HMGA1: variants seen among roughly 807,000 people sequenced by gnomAD.
The protein encoded by HMGA1 is high mobility group AT-hook 1, also known as high mobility group protein HMG-I/HMG-Y.
HMGA1 carries 1 observed loss-of-function variant against 15.1 expected under a neutral mutation model. That is an observed-to-expected ratio of 0.07 (90% CI 0.02 to 0.31). HMGA1 has a LOEUF of 0.31. HMGA1 is among the 10% of genes least tolerant of loss of function. The probability of loss-of-function intolerance (pLI) is 1.00; values close to 1 mark genes in which losing one functional copy is unlikely to be tolerated. For synonymous variants in HMGA1, 56 were observed against 54.8 expected (o/e 1.02, Z -0.10); for missense variants, 94 against 141.4 (o/e 0.66, Z 1.70).
chr6:34,238,563 G>C (rs763904481), intron 2 of HMGA1, among the ~76,000 whole-genome samples: 1 of 152,192 alleles, frequency 6.6e-6, no homozygotes, highest in South Asian at 2.1e-4. Flanking sequence ...GAGTCCTTAA[G>C]TATTTGAGGA....
At chr6:34,239,081 A>G (rs540961163) in intron 2 of HMGA1, 77 of 152,328 alleles carry the variant, frequency 5.1e-4, no homozygotes, top group African/African-American at 1.7e-3. Flanking sequence ...ACGGAGCAGG[A>G]TAAATCACCA....
intron 3 of HMGA1, among the ~76,000 whole-genome samples, chr6:34,241,679 C>A (rs1762322636): frequency 6.6e-6 from 1 of 152,244 alleles, no homozygotes; most frequent in Non-Finnish European, 1.5e-5. Context: ...TGGCCTCTTA[C>A]AGAGGCAGCT....
rs1268845000 is a variant in HMGA1, at chr6:34,245,476, C to T, written c.*592C>T. On this transcript the variant is annotated 3_prime_UTR_variant, in exon 6 of 6. Transcript: ENST00000311487. Reference sequence around the variant, plus strand: ...GTGGGGCTCACTTTTCATCCTTCCCCAACTTCCCTAGTCCCCGTACTAGGT... The same window carrying T: ...GTGGGGCTCACTTTTCATCCTTCCCTAACTTCCCTAGTCCCCGTACTAGGT... 1.7e-5 allele frequency: 23 copies of T among 1,380,030 alleles called. No individual in the cohort carries two copies. The highest frequency in any genetic ancestry group is 2.1e-5 in the Non-Finnish European group (22 of 1,037,854). The allele number at this position is 1,380,030 out of a possible 1,614,324, so 85.5% of individuals were successfully genotyped here. A position where few individuals can be genotyped will look rare whatever the true frequency, so the allele number is the denominator to read the frequency against.
In HMGA1 at chr6:34,246,055, C is replaced by T. The variant is rs907358404; in HGVS notation, c.*1171C>T. 1 of 256,420 alleles carries T rather than the reference C, an allele frequency of 3.9e-6. No individual in the cohort carries two copies. The highest frequency in any genetic ancestry group is 7.5e-6 in the Non-Finnish European group (1 of 132,484). The allele number at this position is 256,420 out of a possible 1,614,324, so 15.9% of individuals were successfully genotyped here. A position where few individuals can be genotyped will look rare whatever the true frequency, so the allele number is the denominator to read the frequency against. On this transcript the variant is annotated 3_prime_UTR_variant, in exon 6 of 6. Transcript: ENST00000311487. ...AGTCCCAGGGAAGGTGGGGCCCTGC[C>T]CCTAGGATGCTGCAGCAGAGTGAGC...
At chr6:34,240,619 G>T (rs1328747318) in intron 2 of HMGA1, 118 bp from the exon 3 acceptor site, 10 of 814,074 alleles carry the variant, frequency 1.2e-5, no homozygotes, top group Non-Finnish European at 1.8e-5. Context: ...CAGAGTAGGA[G>T]GCCTGGGGGC....
Position 34,240,723 on chromosome 6 carries a change from T to G in HMGA1, c.-44-14T>G. ...AGCGAGATGTTTGTCTAAAAGCACT[T>G]TTCTGTCTCCCAGCATCCCAGCCAT... On this transcript the variant is annotated splice_polypyrimidine_tract_variant and intron_variant, in intron 2 of 5. Coordinates refer to ENST00000311487, the MANE Select transcript of HMGA1 (RefSeq NM_145899.3). 6.2e-7 allele frequency: 1 copy of G among 1,606,016 alleles called. No individual in the cohort carries two copies. Among genetic ancestry groups the G allele is most frequent in the Non-Finnish European group, 8.5e-7 (1 of 1,175,270 alleles).
chr6:34,239,171 C>G (rs747415343), intron 2 of HMGA1, among the ~76,000 whole-genome samples: 1 of 152,162 alleles, frequency 6.6e-6, no homozygotes, highest in Admixed American at 6.5e-5. Context: ...TCTGGAGGGT[C>G]TCTTGATGCT....
chr6:34,240,347 T>A (rs1439664473), intron 2 of HMGA1, among the ~76,000 whole-genome samples: 1 of 152,160 alleles, frequency 6.6e-6, no homozygotes, highest in African/African-American at 2.4e-5. Flanking sequence ...GGGCAGCAGT[T>A]GACTACAGAA....
intron 3 of HMGA1, among the ~76,000 whole-genome samples, 183 bp downstream of exon 3, chr6:34,241,098 A>G (rs957512011): frequency 2.0e-5 from 3 of 152,148 alleles, no homozygotes; most frequent in Non-Finnish European, 2.9e-5. Flanking sequence ...TCAGATCTCT[A>G]TAGAGACCCC....
chr6:34,239,250 G>A lies in HMGA1; in HGVS notation c.-44-1487G>A, dbSNP rs527507743. On this transcript the variant is annotated intron_variant, in intron 2 of 5. Coordinates refer to ENST00000311487, the MANE Select transcript of HMGA1 (RefSeq NM_145899.3). ...AAAATGTTTTTTTCCTCTCATTGGGGTAAAAACTCTTTTTCTTCTTTTTTT... is the reference window on the plus strand; with the variant it reads ...AAAATGTTTTTTTCCTCTCATTGGGATAAAAACTCTTTTTCTTCTTTTTTT... Among the ~76,000 whole-genome samples the A allele has an allele frequency of 8.4e-4, 127 of 151,704 alleles. 1 individual carries two copies. The highest frequency in any genetic ancestry group is 1.4e-3 in the Admixed American group (22 of 15,262).
intron 3 of HMGA1, among the ~76,000 whole-genome samples, chr6:34,241,937 C>G (rs1447773899): frequency 2.0e-5 from 3 of 152,158 alleles, no homozygotes; most frequent in Non-Finnish European, 4.4e-5. Flanking sequence ...CTTAGCCTAG[C>G]TCCCTCAGCC....
rs779828168 is a variant in HMGA1 at position 34,242,698 on chromosome 6, CT to C, written c.136-13del. The C allele has an allele frequency of 4.6e-4, 714 of 1,554,096 alleles. 4 individuals carry two copies. The highest frequency in any genetic ancestry group is 2.4e-4 in the Admixed American group (13 of 53,456). Reference sequence around the variant, plus strand: ...GGTGATGACTGTCCCTGACTACCCCCTCTGTCTTTACAGAAGGAGCCCAGCG... The same window carrying C: ...GGTGATGACTGTCCCTGACTACCCCCCTGTCTTTACAGAAGGAGCCCAGCG... On this transcript the variant is annotated splice_polypyrimidine_tract_variant and intron_variant, in intron 3 of 5. Transcript: ENST00000311487.
In HMGA1 at chr6:34,245,231, T is replaced by G; in HGVS notation, c.*347T>G. 1 of 1,388,190 alleles carries G rather than the reference T, an allele frequency of 7.2e-7. No individual in the cohort carries two copies. The highest frequency in any genetic ancestry group is 3.3e-5 in the East Asian group (1 of 30,072). 86.0% of individuals were successfully genotyped at this position (1,388,190 alleles called of 1,614,324 possible). ...ACTCCCTTGGTGGTGGGGACATTGC[T>G]CTCTGGGCTTTTGGTTTGGGGGCGC... On this transcript the variant is annotated 3_prime_UTR_variant, in exon 6 of 6. Coordinates refer to ENST00000311487, the MANE Select transcript of HMGA1 (RefSeq NM_145899.3).
Position 34,245,623 on chromosome 6 carries a change from G to C in HMGA1, c.*739G>C. The C allele has an allele frequency of 7.3e-7, 1 of 1,379,234 alleles. No homozygotes were observed. The highest frequency in any genetic ancestry group is 9.7e-7 in the Non-Finnish European group (1 of 1,034,540). The allele number at this position is 1,379,234 out of a possible 1,614,324, so 85.4% of individuals were successfully genotyped here. A position where few individuals can be genotyped will look rare whatever the true frequency, so the allele number is the denominator to read the frequency against. On this transcript the variant is annotated 3_prime_UTR_variant, in exon 6 of 6. Transcript: ENST00000311487. ...GAGTACATATTGTGGTGATGGAGAT[G>C]CAGTCACTTATTGTCCAGGTGAGGC...
chr6:34,239,893 T>G (rs531405818), intron 2 of HMGA1, among the ~76,000 whole-genome samples: 1 of 152,068 alleles, frequency 6.6e-6, no homozygotes, highest in African/African-American at 2.4e-5. Context: ...CTAAACCTCA[T>G]CCTAAAGGAT....
chr6:34,244,112 C>T (rs1485226498), intron 5 of HMGA1, among the ~76,000 whole-genome samples: 3 of 151,782 alleles, frequency 2.0e-5, no homozygotes, highest in Non-Finnish European at 1.5e-5. Context: ...CCCTCTCCTA[C>T]CCCCAGCCTG....
intron 3 of HMGA1, 111 bp downstream of exon 3, chr6:34,241,026 G>T (rs550199410): frequency 3.2e-6 from 4 of 1,266,562 alleles, no homozygotes; most frequent in South Asian, 1.3e-5. Context: ...ATGATTCTGC[G>T]CAGTAAGCGT....
In HMGA1 at chr6:34,245,499, G is replaced by C. The variant is rs1762674728; in HGVS notation, c.*615G>C. On this transcript the variant is annotated 3_prime_UTR_variant, in exon 6 of 6. Transcript: ENST00000311487. Reference sequence around the variant, plus strand: ...CCCAACTTCCCTAGTCCCCGTACTAGGTTGGACAGCCCCCTTCGGTTACAG... The same window carrying C: ...CCCAACTTCCCTAGTCCCCGTACTACGTTGGACAGCCCCCTTCGGTTACAG... The C allele has an allele frequency of 1.4e-6, 2 of 1,382,608 alleles. No homozygotes were observed. Among genetic ancestry groups the C allele is most frequent in the Non-Finnish European group, 1.9e-6 (2 of 1,037,784 alleles). The allele number at this position is 1,382,608 out of a possible 1,614,324, so 85.6% of individuals were successfully genotyped here. A position where few individuals can be genotyped will look rare whatever the true frequency, so the allele number is the denominator to read the frequency against.
chr6:34,242,979 G>C (rs1296101731), intron 4 of HMGA1, among the ~76,000 whole-genome samples, 184 bp downstream of exon 4: 1 of 152,122 alleles, frequency 6.6e-6, no homozygotes, highest in Non-Finnish European at 1.5e-5. Context: ...CGATGACTAA[G>C]GTCTTACTTC....
Sources: gnomAD v4.1 joint callset for allele counts (sites outside exome capture counted in the v4.1 genomes callset) on GRCh38, gnomAD v4.1.1 for gene constraint, MANE v1.5 for transcripts, NCBI Gene and HGNC (gene_info 2026-07-23, HGNC 2026-07-21) for gene names.